RAD51B: variants seen among roughly 807,000 people sequenced by gnomAD.
RAD51B encodes the protein RAD51 paralog B, also known as DNA repair protein RAD51 homolog 2.
A neutral mutation model predicts 42.2 loss-of-function variants in RAD51B; 38 were observed. That is an observed-to-expected ratio of 0.90 (90% confidence interval 0.70 to 1.18). The LOEUF is 1.18. Ranked by LOEUF, RAD51B falls within the 50% of genes most tolerant of loss-of-function variation. RAD51B has a pLI of 0.00. For missense variants in RAD51B, 373 were observed against 400.7 expected (o/e 0.93, Z 0.59); for synonymous variants, 154 against 145.2 (o/e 1.06, Z -0.43).
chr14:67,827,846 TC>T (rs1324104201), intron 3 of RAD51B, among the ~76,000 whole-genome samples: 1 of 152,216 alleles, frequency 6.6e-6, no homozygotes, highest in East Asian at 1.9e-4. Flanking sequence ...TGCACAGTAT[TC>T]CATTGTGTAT....
chr14:68,469,351 T>C lies in RAD51B; in HGVS notation c.1036+1101T>C, dbSNP rs1274389375. Reference sequence around the variant, plus strand: ...CTAAGGAACAGGCTGCAGCCTTCCCTTTCCTTCCCCTTCTAAAATGTCTGC... The same window carrying C: ...CTAAGGAACAGGCTGCAGCCTTCCCCTTCCTTCCCCTTCTAAAATGTCTGC... On this transcript the variant is annotated intron_variant, in intron 10 of 10. Transcript: ENST00000471583. Among the ~76,000 whole-genome samples the C allele has an allele frequency of 2.0e-5, 3 of 152,340 alleles. 1 individual carries two copies. The South Asian group carries it at 6.2e-4, about 32-fold the overall frequency.
chr14:68,195,908 CA>C lies in RAD51B; in HGVS notation c.757-95959del, dbSNP rs1278908922. On this transcript the variant is annotated intron_variant, in intron 7 of 10. Transcript: ENST00000471583. ...GGGCCACAAGAGCAGAGCTCTGTTTCAAAAAAAAAAAAAAAAACAACAATTA... is the reference window on the plus strand; with the variant it reads ...GGGCCACAAGAGCAGAGCTCTGTTTCAAAAAAAAAAAAAAAACAACAATTA... Among the ~76,000 whole-genome samples, 43 of 23,660 alleles carry C rather than the reference CA, an allele frequency of 1.8e-3. 1 individual carries two copies. The highest frequency in any genetic ancestry group is 2.3e-3 in the Non-Finnish European group (27 of 11,574). The allele number at this position is 23,660 out of a possible 152,430, so 15.5% of individuals were successfully genotyped here. A position where few individuals can be genotyped will look rare whatever the true frequency, so the allele number is the denominator to read the frequency against.
chr14:68,297,935 G>A (rs2081645862), intron 8 of RAD51B, among the ~76,000 whole-genome samples: 1 of 152,116 alleles, frequency 6.6e-6, no homozygotes, highest in East Asian at 1.9e-4. Context: ...ATGTTTAAGT[G>A]TCCTGGTGAC....
intron 8 of RAD51B, among the ~76,000 whole-genome samples, chr14:68,299,611 C>T (rs746012784): frequency 3.3e-5 from 5 of 152,118 alleles, no homozygotes; most frequent in South Asian, 2.1e-4. Flanking sequence ...TATTCCCCTG[C>T]AGATACTGAG....
chr14:68,346,302 A>G lies in RAD51B; in HGVS notation c.853+54322A>G, dbSNP rs545513079. ...TTGATATGATTTCCTAGCCTAGAATATAATCAGGAAGGCACTGATTTCTTT... is the reference window on the plus strand; with the variant it reads ...TTGATATGATTTCCTAGCCTAGAATGTAATCAGGAAGGCACTGATTTCTTT... On this transcript the variant is annotated intron_variant, in intron 8 of 10. Transcript: ENST00000471583. 6.7e-4 allele frequency among the ~76,000 whole-genome samples: 102 copies of G among 152,330 alleles called. 1 individual carries two copies. The highest frequency in any genetic ancestry group is 2.4e-4 in the Non-Finnish European group (16 of 68,026).
intron 7 of RAD51B, among the ~76,000 whole-genome samples, chr14:67,894,009 G>A (rs534684762): frequency 2.3e-4 from 35 of 152,146 alleles, no homozygotes; most frequent in Admixed American, 3.9e-4. Flanking sequence ...GTTAGACGTT[G>A]GTTTGAATCT....
chr14:68,074,033 G>C (rs540204875), intron 7 of RAD51B, among the ~76,000 whole-genome samples: 1 of 152,088 alleles, frequency 6.6e-6, no homozygotes, highest in African/African-American at 2.4e-5. Context: ...AGTAGCTCAC[G>C]GCAGTTCTTT....
At chr14:68,652,270 G>T (rs1892718524) in intron 11 of RAD51B, among the ~76,000 whole-genome samples, 1 of 152,194 alleles carries the variant, frequency 6.6e-6, no homozygotes, top group African/African-American at 2.4e-5. Context: ...TATTCTCCTG[G>T]TGTCTTTCCA....
chr14:68,648,576 AT>A (rs1260430692), intron 10 of RAD51B, among the ~76,000 whole-genome samples: 2 of 151,516 alleles, frequency 1.3e-5, no homozygotes, highest in Non-Finnish European at 2.9e-5. Flanking sequence ...CTGCACACTC[AT>A]TTGAATTTAA....
intron 7 of RAD51B, among the ~76,000 whole-genome samples, chr14:67,926,462 C>T (rs1467718347): frequency 1.3e-5 from 2 of 151,798 alleles, no homozygotes; most frequent in African/African-American, 4.8e-5. Context: ...CCTTATTGCT[C>T]ATGTCACTGT....
intron 9 of RAD51B, among the ~76,000 whole-genome samples, chr14:68,433,336 G>A (rs553626432): frequency 2.9e-4 from 44 of 152,292 alleles, no homozygotes; most frequent in East Asian, 9.6e-4. Context: ...ATATCCTGCA[G>A]AGTGTTTTCC....
At chr14:68,130,988 G>C (rs1220636884) in intron 7 of RAD51B, among the ~76,000 whole-genome samples, 1 of 152,082 alleles carries the variant, frequency 6.6e-6, no homozygotes, top group Non-Finnish European at 1.5e-5. Context: ...TGGCTCAGAG[G>C]TTCTTTTATA....
At chr14:67,875,308 C>T (rs1332493485) in intron 5 of RAD51B, among the ~76,000 whole-genome samples, 4 of 152,080 alleles carry the variant, frequency 2.6e-5, no homozygotes, top group African/African-American at 7.2e-5. Context: ...TGTGTGGGAG[C>T]AATGGCTAAG....
chr14:67,931,500 CT>C (rs539507230), intron 7 of RAD51B, among the ~76,000 whole-genome samples: 17,933 of 117,398 alleles, frequency 0.15, 701 homozygotes, highest in Middle Eastern at 0.29. Context: ...TCTGGGATTT[CT>C]TTTTTTTTTT....
intron 10 of RAD51B, among the ~76,000 whole-genome samples, chr14:68,585,691 C>T (rs1257986443): frequency 6.6e-6 from 1 of 150,612 alleles, no homozygotes; most frequent in Non-Finnish European, 1.5e-5. Context: ...ACCCCGACCC[C>T]GGGTGTCCTG....
Position 68,411,473 on chromosome 14 carries a change from T to C in RAD51B, c.903T>C (p.Ser301=). 6.2e-7 allele frequency: 1 copy of C among 1,613,978 alleles called. No homozygotes were observed. Among genetic ancestry groups the C allele is most frequent in the Non-Finnish European group, 8.5e-7 (1 of 1,179,984 alleles). The change falls in exon 9 of 11, where the codon AGT becomes AGC. Residue 301 remains serine, a synonymous_variant. Coordinates refer to ENST00000471583, the MANE Select transcript of RAD51B (RefSeq NM_133510.4). ...CVIAALGNTW[S]HSVNTRLILQ... is the part of the protein sequence containing the mutation. The stretch of plus-strand genomic sequence containing the variant: ...TAGCCGCACTAGGAAATACCTGGAG[T>C]CACAGTGTGAATACCCGGCTGATCC...
intron 10 of RAD51B, chr14:68,470,569 C>T (rs909371300): frequency 4.2e-5 from 21 of 505,464 alleles, no homozygotes; most frequent in African/African-American, 1.5e-4. Context: ...TGAAAACTGT[C>T]GCAACCCATT....
At chr14:68,072,121 AAATATATATATAATTATATAT>A (rs2140468996) in intron 7 of RAD51B, among the ~76,000 whole-genome samples, 1 of 131,334 alleles carries the variant, frequency 7.6e-6, no homozygotes, top group South Asian at 2.3e-4. Context: ...AAAATATATA[AAATATATATATAATTATATAT>A]ATATTTTATA....
intron 7 of RAD51B, among the ~76,000 whole-genome samples, chr14:68,124,256 A>G (rs2077710406): frequency 6.6e-6 from 1 of 152,194 alleles, no homozygotes; most frequent in Non-Finnish European, 1.5e-5. Flanking sequence ...CATTCCTACC[A>G]CAGAGCTGCT....
Sources: gnomAD v4.1 joint callset for allele counts (sites outside exome capture counted in the v4.1 genomes callset) on GRCh38, gnomAD v4.1.1 for gene constraint, MANE v1.5 for transcripts, NCBI Gene and HGNC (gene_info 2026-07-23, HGNC 2026-07-21) for gene names.